Variants in UNC5D observed in about 807,000 individuals in gnomAD.
UNC5D encodes the protein netrin receptor UNC5D.
Under a neutral mutation model 105.4 loss-of-function variants are expected in UNC5D, and 39 were observed. That is an observed-to-expected ratio of 0.37 (90% CI 0.29 to 0.48). The LOEUF (loss-of-function observed/expected upper bound fraction) is 0.48, where lower values mean the gene tolerates loss of function less well. UNC5D is among the 20% of genes least tolerant of loss of function. UNC5D has a pLI of 0.98. For missense variants in UNC5D, 991 were observed against 1,202.4 expected (o/e 0.82, Z 2.60); for synonymous variants, 452 against 450.4 (o/e 1.00, Z -0.04).
At position 35,629,469 on chromosome 8, in the gene UNC5D, C is replaced by T. The variant is rs188222739; in HGVS notation, c.570+33812C>T. Among the ~76,000 whole-genome samples, 279 of 151,956 alleles carry T rather than the reference C, an allele frequency of 1.8e-3. 1 individual carries two copies. The highest frequency in any genetic ancestry group is 6.5e-3 in the African/African-American group (269 of 41,434). ...AAATACTGCATTTTCTCAATGTAGT[C>T]GCTTGTAAGTAGGAGCTAAACATAA... On this transcript the variant is annotated intron_variant, in intron 4 of 16. Coordinates refer to ENST00000404895, the MANE Select transcript of UNC5D (RefSeq NM_080872.4).
At chr8:35,649,956 A>G (rs1823298469) in intron 4 of UNC5D, among the ~76,000 whole-genome samples, 1 of 152,188 alleles carries the variant, frequency 6.6e-6, no homozygotes, top group Non-Finnish European at 1.5e-5. Context: ...ATGGTGAAAT[A>G]TGAATGAAGC....
At chr8:35,356,968 A>AT (rs985202335) in intron 1 of UNC5D, among the ~76,000 whole-genome samples, 2 of 152,040 alleles carry the variant, frequency 1.3e-5, no homozygotes, top group East Asian at 1.9e-4. Flanking sequence ...TAAAATATAA[A>AT]TTTTTTTATT....
At chr8:35,365,637 G>T (rs748180748) in intron 1 of UNC5D, among the ~76,000 whole-genome samples, 17 of 134,950 alleles carry the variant, frequency 1.3e-4, no homozygotes, top group East Asian at 2.2e-4. Context: ...AAGGATAACA[G>T]TTAACTGGTC....
At chr8:35,311,959 A>G (rs575668322) in intron 1 of UNC5D, among the ~76,000 whole-genome samples, 14 of 152,088 alleles carry the variant, frequency 9.2e-5, no homozygotes, top group East Asian at 5.8e-4. Context: ...GAATAACGGG[A>G]AAAAAAAGAA....
chr8:35,607,330 C>A (rs1203424315), intron 4 of UNC5D, among the ~76,000 whole-genome samples: 2 of 152,176 alleles, frequency 1.3e-5, no homozygotes, highest in Non-Finnish European at 2.9e-5. Flanking sequence ...ATTACCACCA[C>A]TGAGGAGGCT....
At chr8:35,630,266 T>C (rs982942398) in intron 4 of UNC5D, among the ~76,000 whole-genome samples, 1 of 152,226 alleles carries the variant, frequency 6.6e-6, no homozygotes, top group African/African-American at 2.4e-5. Flanking sequence ...ACAAATACTC[T>C]TTTATCCAAT....
chr8:35,712,887 C>A (rs1373374152), intron 8 of UNC5D, among the ~76,000 whole-genome samples: 2 of 152,114 alleles, frequency 1.3e-5, no homozygotes, highest in Non-Finnish European at 2.9e-5. Flanking sequence ...GTCTCAAACT[C>A]TTTTTTTCCT....
chr8:35,710,447 T>TAA (rs1443098565), intron 8 of UNC5D, among the ~76,000 whole-genome samples: 1 of 152,206 alleles, frequency 6.6e-6, no homozygotes, highest in Non-Finnish European at 1.5e-5. Flanking sequence ...TTATAAATGC[T>TAA]AAGTTTGAGT....
chr8:35,728,071 T>TAAAAAA (rs71215643), intron 10 of UNC5D, among the ~76,000 whole-genome samples: 9 of 41,034 alleles, frequency 2.2e-4, no homozygotes, highest in African/African-American at 6.7e-4. Context: ...TTGCTGTCTC[T>TAAAAAA]AAAAAAAAAA....
Position 35,774,475 on chromosome 8 carries a change from C to T in UNC5D, c.2655C>T (p.Asn885=), listed in dbSNP as rs1209595114. The T allele has an allele frequency of 1.2e-6, 2 of 1,613,802 alleles. No homozygotes were observed. The highest frequency in any genetic ancestry group is 1.7e-6 in the Non-Finnish European group (2 of 1,179,928). Residue 885 remains asparagine (N), a splice_region_variant and synonymous_variant, in exon 16 of 17, where the codon AAC becomes AAT. Coordinates refer to ENST00000404895, the MANE Select transcript of UNC5D (RefSeq NM_080872.4). ...TGTTAGCACAGAAAAACAGCATCAA[C>T]AGGTAATTGGGGACAGCTTCTGGAA... is the stretch of plus-strand genomic sequence containing the variant. ...WQMLAQKNSI[N]RNLSYFATQS... is the part of the protein sequence containing the mutation.
intron 1 of UNC5D, among the ~76,000 whole-genome samples, chr8:35,353,083 T>C (rs1812356070): frequency 6.6e-6 from 1 of 152,146 alleles, no homozygotes; most frequent in African/African-American, 2.4e-5. Context: ...ATAAAAAACA[T>C]GCTCACAACA....
chr8:35,765,250 G>C (rs974126132), intron 14 of UNC5D, among the ~76,000 whole-genome samples: 1 of 152,150 alleles, frequency 6.6e-6, no homozygotes, highest in Non-Finnish European at 1.5e-5. Context: ...TGCCAGCAGG[G>C]GAGTCTATAA....
At chr8:35,357,420 G>A (rs1486266048) in intron 1 of UNC5D, among the ~76,000 whole-genome samples, 3 of 152,110 alleles carry the variant, frequency 2.0e-5, no homozygotes, top group Non-Finnish European at 2.9e-5. Flanking sequence ...TGAACATTGG[G>A]TTGCAACACT....
chr8:35,757,779 C>T (rs1391121539), intron 13 of UNC5D, among the ~76,000 whole-genome samples: 2 of 152,148 alleles, frequency 1.3e-5, no homozygotes, highest in East Asian at 3.9e-4. Flanking sequence ...AATTAATTTC[C>T]TATCCTCCCC....
At chr8:35,419,175 G>A (rs1805723310) in intron 1 of UNC5D, among the ~76,000 whole-genome samples, 1 of 152,190 alleles carries the variant, frequency 6.6e-6, no homozygotes, top group Admixed American at 6.5e-5. Flanking sequence ...CTTCCAGTAA[G>A]TATGATGCCA....
intron 1 of UNC5D, among the ~76,000 whole-genome samples, chr8:35,421,935 G>A (rs1208951260): frequency 1.3e-5 from 2 of 152,146 alleles, no homozygotes; most frequent in East Asian, 3.9e-4. Context: ...TCTTCTGAAA[G>A]ACTCAAGATA....
At chr8:35,466,556 GC>G (rs1379900156) in intron 1 of UNC5D, among the ~76,000 whole-genome samples, 4 of 152,066 alleles carry the variant, frequency 2.6e-5, no homozygotes, top group African/African-American at 9.7e-5. Context: ...AGTCCTAAAT[GC>G]CCACAAGATG....
At chr8:35,611,285 A>T (rs973808829) in intron 4 of UNC5D, among the ~76,000 whole-genome samples, 1 of 152,120 alleles carries the variant, frequency 6.6e-6, no homozygotes, top group African/African-American at 2.4e-5. Flanking sequence ...TCTCCCAAAC[A>T]TTGCCCTCTC....
chr8:35,734,335 C>CCA (rs1491578135), intron 11 of UNC5D, among the ~76,000 whole-genome samples: 8 of 28,288 alleles, frequency 2.8e-4, no homozygotes, highest in Admixed American at 1.1e-3. Flanking sequence ...TAATCACTGT[C>CCA]AAAAAAAAAA....
Sources: gnomAD v4.1 joint callset for allele counts (sites outside exome capture counted in the v4.1 genomes callset) on GRCh38, gnomAD v4.1.1 for gene constraint, MANE v1.5 for transcripts, NCBI Gene and HGNC (gene_info 2026-07-23, HGNC 2026-07-21) for gene names.